Variants in TMEM117 observed in about 807,000 individuals in gnomAD.
TMEM117 encodes the protein transmembrane protein 117.
Under a neutral mutation model 52.4 loss-of-function variants are expected in TMEM117, and 27 were observed. That is an observed-to-expected ratio of 0.51 (90% CI 0.38 to 0.71). The LOEUF is 0.71. Ranked by LOEUF, TMEM117 falls within the 30% of genes least tolerant of loss-of-function variation. The pLI is 0.00. For missense variants in TMEM117, 556 were observed against 630.5 expected (o/e 0.88, Z 1.26); for synonymous variants, 215 against 206.3 (o/e 1.04, Z -0.36).
At chr12:44,352,469 C>T (rs1020445319) in intron 6 of TMEM117, among the ~76,000 whole-genome samples, 2 of 151,952 alleles carry the variant, frequency 1.3e-5, no homozygotes, top group Admixed American at 6.6e-5. Context: ...CAACAGTCCC[C>T]GGAGTGTGAT....
intron 4 of TMEM117, among the ~76,000 whole-genome samples, chr12:44,150,372 T>A (rs988768825): frequency 3.3e-5 from 5 of 152,008 alleles, no homozygotes; most frequent in African/African-American, 9.7e-5. Flanking sequence ...TCACATAAAG[T>A]CTGCCCTCAG....
At chr12:44,283,811 G>A (rs867644847) in intron 5 of TMEM117, among the ~76,000 whole-genome samples, 4 of 152,128 alleles carry the variant, frequency 2.6e-5, no homozygotes, top group African/African-American at 9.7e-5. Flanking sequence ...TGGTTTGGCT[G>A]TGTCCCTACC....
chr12:44,129,097 C>A (rs10506239), intron 3 of TMEM117, among the ~76,000 whole-genome samples: 15,691 of 152,188 alleles, frequency 0.1, 912 homozygotes, highest in Middle Eastern at 0.2. Flanking sequence ...CTGCATAGTT[C>A]CACAGACTTC....
chr12:43,861,361 T>C (rs145432402), intron 2 of TMEM117, among the ~76,000 whole-genome samples: 2,014 of 152,316 alleles, frequency 0.013, 19 homozygotes, highest in Non-Finnish European at 0.021. Context: ...TTCCCTGTTA[T>C]AACCCCAGCC....
intron 4 of TMEM117, among the ~76,000 whole-genome samples, chr12:44,202,769 C>T (rs1949512871): frequency 1.3e-5 from 2 of 150,384 alleles, no homozygotes; most frequent in Non-Finnish European, 2.9e-5. Context: ...TCCATCTGGT[C>T]CAGGACTCCT....
chr12:44,021,140 A>T (rs556230827), intron 3 of TMEM117, among the ~76,000 whole-genome samples: 1 of 152,270 alleles, frequency 6.6e-6, no homozygotes, highest in South Asian at 2.1e-4. Context: ...TCGGGGGTAC[A>T]TGTGATGGGT....
At chr12:44,012,999 C>A (rs1355291866) in intron 3 of TMEM117, among the ~76,000 whole-genome samples, 11 of 150,624 alleles carry the variant, frequency 7.3e-5, no homozygotes, top group Admixed American at 7.3e-4. Flanking sequence ...AGGTATCACA[C>A]TTTTTTTCTT....
At chr12:44,351,368 C>G (rs1021644146) in intron 6 of TMEM117, among the ~76,000 whole-genome samples, 1 of 151,808 alleles carries the variant, frequency 6.6e-6, no homozygotes, top group Non-Finnish European at 1.5e-5. Context: ...TTGATGTGAT[C>G]CCGTCTTTCT....
At chr12:44,392,542 C>CT (rs1249742418), downstream of TMEM117, among the ~76,000 whole-genome samples, 1 of 151,818 alleles carries the variant, frequency 6.6e-6, no homozygotes, top group Non-Finnish European at 1.5e-5. Flanking sequence ...TATTATTATA[C>CT]TTTAAGTTTT....
intron 6 of TMEM117, among the ~76,000 whole-genome samples, chr12:44,324,972 C>A (rs967092865): frequency 6.6e-6 from 1 of 152,054 alleles, no homozygotes; most frequent in Non-Finnish European, 1.5e-5. Context: ...ATAAGCTAAG[C>A]CAAATTTTTC....
At chr12:43,928,718 A>G (rs535056332) in intron 2 of TMEM117, among the ~76,000 whole-genome samples, 4 of 148,012 alleles carry the variant, frequency 2.7e-5, no homozygotes, top group Admixed American at 2.7e-4. Context: ...AGCATTAGGT[A>G]TATCTCCCAA....
intron 3 of TMEM117, among the ~76,000 whole-genome samples, chr12:43,975,112 C>G (rs1411613140): frequency 6.6e-6 from 1 of 152,154 alleles, no homozygotes; most frequent in Non-Finnish European, 1.5e-5. Flanking sequence ...TGACCTAGTT[C>G]TTAACCTGGT....
chr12:43,860,072 G>A (rs1006496712), intron 2 of TMEM117, among the ~76,000 whole-genome samples: 2 of 152,130 alleles, frequency 1.3e-5, no homozygotes, highest in African/African-American at 4.8e-5. Flanking sequence ...TGTGCAGAAT[G>A]TGCAGTTTTG....
At chr12:44,391,892 G>T (rs560063565), downstream of TMEM117, among the ~76,000 whole-genome samples, 1 of 152,028 alleles carries the variant, frequency 6.6e-6, no homozygotes, top group African/African-American at 2.4e-5. Context: ...GACTGACTTG[G>T]CTCACTACTC....
At chr12:44,247,456 C>T (rs999444472) in intron 5 of TMEM117, among the ~76,000 whole-genome samples, 2 of 152,092 alleles carry the variant, frequency 1.3e-5, no homozygotes, top group African/African-American at 4.8e-5. Flanking sequence ...ATTGATACAA[C>T]AATTGTACAT....
rs554626410 is a variant in TMEM117, at chr12:44,332,332, G to A, written c.768+32593G>A. On this transcript the variant is annotated intron_variant, in intron 6 of 7. Coordinates refer to ENST00000266534, the MANE Select transcript of TMEM117 (RefSeq NM_032256.3). ...GCATTTCACTTCTTACTAGAAGGTG[G>A]AAAAAATATCTTCTTACTTTGAATA... is the stretch of plus-strand genomic sequence containing the variant. Among the ~76,000 whole-genome samples, 5 of 152,080 alleles carry A rather than the reference G, an allele frequency of 3.3e-5. No individual in the cohort carries two copies. The South Asian group carries it at 8.3e-4, about 25-fold the overall frequency.
intron 4 of TMEM117, among the ~76,000 whole-genome samples, chr12:44,144,148 A>G (rs954173537): frequency 6.6e-6 from 1 of 152,164 alleles, no homozygotes; most frequent in Non-Finnish European, 1.5e-5. Context: ...TCTGAGTATT[A>G]TCTCTTTTAA....
At chr12:44,228,369 A>T (rs1949889824) in intron 5 of TMEM117, among the ~76,000 whole-genome samples, 1 of 152,128 alleles carries the variant, frequency 6.6e-6, no homozygotes, top group African/African-American at 2.4e-5. Context: ...GCCTAATTAT[A>T]AATTTGACAA....
intron 5 of TMEM117, among the ~76,000 whole-genome samples, chr12:44,223,258 G>T (rs546718024): frequency 5.9e-5 from 9 of 151,952 alleles, no homozygotes; most frequent in African/African-American, 1.9e-4. Context: ...AGAAGGGAAA[G>T]ATTTTTTTTT....
Sources: allele counts gnomAD v4.1 joint callset (sites outside exome capture counted in the v4.1 genomes callset), GRCh38; gene constraint gnomAD v4.1.1; transcripts MANE v1.5; gene names NCBI Gene and HGNC (gene_info 2026-07-23, HGNC 2026-07-21).